Variants in SMC6 observed in about 807,000 individuals in gnomAD.
SMC6 encodes the protein structural maintenance of chromosomes protein 6.
In SMC6, 79 loss-of-function variants were observed where a neutral mutation model predicts 142.2. The observed-to-expected ratio is 0.56, with a 90% CI of 0.46 to 0.67. The LOEUF (loss-of-function observed/expected upper bound fraction) is 0.67, where lower values mean the gene tolerates loss of function less well. SMC6 is among the 30% of genes least tolerant of loss of function. The pLI, the probability that SMC6 is intolerant of heterozygous loss-of-function variation, is 0.00. For missense variants in SMC6, 1,072 were observed against 1,284.0 expected (o/e 0.83, Z 2.52); for synonymous variants, 411 against 412.4 (o/e 1.00, Z 0.04).
At chr2:17,708,007 C>A (rs201886831) in intron 17 of SMC6, among the ~76,000 whole-genome samples, 11 of 150,154 alleles carry the variant, frequency 7.3e-5, no homozygotes, top group African/African-American at 2.7e-4. Flanking sequence ...TACACACACA[C>A]ACACACACAC....
intron 11 of SMC6, among the ~76,000 whole-genome samples, chr2:17,720,293 C>T (rs1000411617): frequency 2.6e-5 from 4 of 152,174 alleles, no homozygotes; most frequent in African/African-American, 4.8e-5. Flanking sequence ...TGCCTTTACT[C>T]AACACTCAAC....
intron 21 of SMC6, among the ~76,000 whole-genome samples, chr2:17,698,302 A>G (rs1041989823): frequency 2.0e-5 from 3 of 152,060 alleles, no homozygotes; most frequent in Non-Finnish European, 4.4e-5. Flanking sequence ...TAATGATTAG[A>G]TCCTGTTGAG....
At chr2:17,733,810 A>G (rs1315446350) in intron 5 of SMC6, among the ~76,000 whole-genome samples, 2 of 152,246 alleles carry the variant, frequency 1.3e-5, no homozygotes, top group Non-Finnish European at 2.9e-5. Context: ...ACTCACAGAT[A>G]CTGGCAGTGA....
rs746687692 is a variant in SMC6 at position 17,665,624 on chromosome 2, C to T, written c.3162-11G>A. The T allele has an allele frequency of 1.3e-6, 2 of 1,512,616 alleles. No individual in the cohort carries two copies. Among genetic ancestry groups the T allele is most frequent in the African/African-American group, 1.4e-5 (1 of 72,022 alleles). The allele number at this position is 1,512,616 out of a possible 1,614,324, so 93.7% of individuals were successfully genotyped here. On this transcript the variant is annotated splice_polypyrimidine_tract_variant and intron_variant, in intron 27 of 27. Transcript: ENST00000448223. ...CTGGATGGAAGTGAACTAGAAGAAGCAAAATCAATTACTCAAATTTCCAAG... is the reference window on the plus strand; with the variant it reads ...CTGGATGGAAGTGAACTAGAAGAAGTAAAATCAATTACTCAAATTTCCAAG...
At position 17,695,055 on chromosome 2, in the gene SMC6, CTTCA is replaced by C. The variant is rs1232999723; in HGVS notation, c.2678+93_2678+96del. The C allele has an allele frequency of 2.4e-5, 32 of 1,356,906 alleles. No homozygotes were observed. In the East Asian group the frequency reaches 3.0e-4, roughly 13 times the overall value. The allele number at this position is 1,356,906 out of a possible 1,614,324, so 84.1% of individuals were successfully genotyped here. ...GCTATAACTATTTGCTATAGTAACA[CTTCA>C]TTCAAATTTAAGACATGTATATGTT... On this transcript the variant is annotated intron_variant, in intron 23 of 27. Transcript: ENST00000448223.
intron 21 of SMC6, 72 bp downstream of exon 21, chr2:17,700,121 TTCTTTTAGGCCAATA>T: frequency 1.2e-6 from 1 of 866,232 alleles, no homozygotes; most frequent in Non-Finnish European, 1.7e-6. Flanking sequence ...TAACCAAAAA[TTCTTTTAGGCCAATA>T]TCCATAGAGT....
chr2:17,718,647 T>C (rs1467254354), intron 11 of SMC6, among the ~76,000 whole-genome samples: 1 of 152,218 alleles, frequency 6.6e-6, no homozygotes, highest in East Asian at 1.9e-4. Flanking sequence ...TATTTTGAGC[T>C]GAGATTTTAA....
intron 23 of SMC6, among the ~76,000 whole-genome samples, chr2:17,693,454 CA>C (rs1255543071): frequency 6.6e-6 from 1 of 152,004 alleles, no homozygotes; most frequent in African/African-American, 2.4e-5. Flanking sequence ...GACAAAAAAC[CA>C]AACACTGCAT....
chr2:17,704,420 C>G lies in SMC6; in HGVS notation c.2007-1128G>C, dbSNP rs1433325291. On this transcript the variant is annotated intron_variant, in intron 18 of 27. Coordinates refer to ENST00000448223, the MANE Select transcript of SMC6 (RefSeq NM_001142286.2). ...TGGAGAATAAATAAAGTACCAGATTCCAAATTCATAAAAATGAGTCTCCAT... is the reference window on the plus strand; with the variant it reads ...TGGAGAATAAATAAAGTACCAGATTGCAAATTCATAAAAATGAGTCTCCAT... Among the ~76,000 whole-genome samples the G allele has an allele frequency of 2.6e-5, 4 of 152,152 alleles. No individual in the cohort carries two copies. In the East Asian group the frequency reaches 5.8e-4, roughly 22 times the overall value.
At chr2:17,672,267 G>A (rs1666795399) in intron 25 of SMC6, among the ~76,000 whole-genome samples, 1 of 152,138 alleles carries the variant, frequency 6.6e-6, no homozygotes, top group Admixed American at 6.5e-5. Context: ...GAACTTCAGT[G>A]TCACTTTCCT....
At position 17,697,121 on chromosome 2, in the gene SMC6, A is replaced by G. The variant is rs148531871; in HGVS notation, c.2395-695T>C. Among the ~76,000 whole-genome samples, 733 of 152,276 alleles carry G rather than the reference A, an allele frequency of 4.8e-3. 15 individuals carry two copies. The highest frequency in any genetic ancestry group is 3.7e-3 in the Non-Finnish European group (253 of 67,978). On this transcript the variant is annotated intron_variant, in intron 21 of 27. Coordinates refer to ENST00000448223, the MANE Select transcript of SMC6 (RefSeq NM_001142286.2). ...AGTAGCTATTACTTCATGATGAAATATAGAATGCTTTCTTTCTAAGAACAA... is the reference window on the plus strand; with the variant it reads ...AGTAGCTATTACTTCATGATGAAATGTAGAATGCTTTCTTTCTAAGAACAA...
At chr2:17,715,829 T>C (rs1352020614) in intron 15 of SMC6, among the ~76,000 whole-genome samples, 1 of 152,176 alleles carries the variant, frequency 6.6e-6, no homozygotes, top group Non-Finnish European at 1.5e-5. Context: ...ATTACATTAG[T>C]TCATTTACTT....
At chr2:17,713,929 A>G (rs922878350) in intron 16 of SMC6, among the ~76,000 whole-genome samples, 1 of 152,178 alleles carries the variant, frequency 6.6e-6, no homozygotes, top group Non-Finnish European at 1.5e-5. Flanking sequence ...TGATCTACCT[A>G]TTAACATGAG....
chr2:17,686,639 C>T (rs930434365), intron 23 of SMC6, among the ~76,000 whole-genome samples: 1 of 152,060 alleles, frequency 6.6e-6, no homozygotes, highest in African/African-American at 2.4e-5. Context: ...ATTCAGTGCC[C>T]CCAAGGGAAA....
intron 3 of SMC6, among the ~76,000 whole-genome samples, chr2:17,742,067 G>A (rs141041693): frequency 1.9e-4 from 29 of 152,174 alleles, no homozygotes; most frequent in African/African-American, 5.8e-4. Context: ...ACTAGATGCC[G>A]GCAACACACA....
chr2:17,701,763 T>A (rs1668282304), intron 20 of SMC6, 66 bp downstream of exon 20: 1 of 923,380 alleles, frequency 1.1e-6, no homozygotes, highest in Non-Finnish European at 1.7e-6. Context: ...GCTGAGTTGA[T>A]GCCATTAACC....
chr2:17,709,070 A>C (rs1014621719), intron 16 of SMC6, among the ~76,000 whole-genome samples: 5 of 152,104 alleles, frequency 3.3e-5, no homozygotes, highest in Admixed American at 3.3e-4. Flanking sequence ...TTTTCAGATA[A>C]GGATGCTTCA....
At chr2:17,714,212 C>T (rs565912713) in intron 16 of SMC6, among the ~76,000 whole-genome samples, 96 of 151,940 alleles carry the variant, frequency 6.3e-4, no homozygotes, top group Non-Finnish European at 1.2e-3. Flanking sequence ...TCTCCCACCT[C>T]AGCCTTCCAA....
intron 23 of SMC6, among the ~76,000 whole-genome samples, chr2:17,690,816 A>G (rs997953344): frequency 1.1e-4 from 17 of 152,158 alleles, no homozygotes; most frequent in Non-Finnish European, 2.1e-4. Flanking sequence ...TTCTTGGGAA[A>G]TCTATCAGAA....
Sources: allele counts gnomAD v4.1 joint callset (sites outside exome capture counted in the v4.1 genomes callset), GRCh38; gene constraint gnomAD v4.1.1; transcripts MANE v1.5; gene names NCBI Gene and HGNC (gene_info 2026-07-23, HGNC 2026-07-21).